The following SLC60A1 variants were observed in gnomAD, a reference collection of about 807,000 sequenced individuals.
The protein encoded by SLC60A1 is major facilitator superfamily domain containing 4.
the SLC60A1 span, chr1:205,592,295 C>G: frequency 6.2e-7 from 1 of 1,605,414 alleles, no homozygotes. Context: ...AAGGTGAGGG[C>G]CGGGCCCGAG....
chr1:205,589,657 G>A, the SLC60A1 span, among the ~76,000 whole-genome samples: 45 of 151,776 alleles, frequency 3.0e-4, no homozygotes, highest in Non-Finnish European at 6.2e-4. Context: ...TCACTATGTT[G>A]CCCAGGCTGG....
the SLC60A1 span, among the ~76,000 whole-genome samples, chr1:205,578,520 TG>T: frequency 6.6e-6 from 1 of 152,106 alleles, no homozygotes; most frequent in Non-Finnish European, 1.5e-5. Flanking sequence ...CAGATCAGCC[TG>T]GAAACAAGAA....
the SLC60A1 span, chr1:205,580,638 C>T: frequency 6.9e-5 from 110 of 1,585,634 alleles, 1 homozygote; most frequent in Non-Finnish European, 8.0e-5. This position sits in a 1 kb window ranked among gnomAD's most constrained non-coding sequence, Gnocchi z 5.0. Flanking sequence ...CACCCCCACC[C>T]GCCACCTCTC....
chr1:205,585,449 G>A, the SLC60A1 span, among the ~76,000 whole-genome samples: 1 of 152,318 alleles, frequency 6.6e-6, no homozygotes, highest in African/African-American at 2.4e-5. This position sits in a 1 kb window ranked among gnomAD's most constrained non-coding sequence, Gnocchi z 4.2. Context: ...AGTGACCTCT[G>A]TTACATTAGT....
At chr1:205,579,150 C>G in the SLC60A1 span, among the ~76,000 whole-genome samples, 1 of 152,200 alleles carries the variant, frequency 6.6e-6, no homozygotes, top group African/African-American at 2.4e-5. Flanking sequence ...AGGCACAGAG[C>G]CTGCGACCTC....
the SLC60A1 span, chr1:205,597,700 TG>T: frequency 1.3e-6 from 2 of 1,501,556 alleles, no homozygotes; most frequent in Non-Finnish European, 1.9e-6. Flanking sequence ...CCACTGTGCC[TG>T]GCCAGCAACC....
chr1:205,576,214 G>C, the SLC60A1 span, among the ~76,000 whole-genome samples: 1 of 152,194 alleles, frequency 6.6e-6, no homozygotes, highest in Non-Finnish European at 1.5e-5. Context: ...TGGGAGGGTA[G>C]AATCTGGGAG....
chr1:205,584,973 C>A, the SLC60A1 span: 1 of 1,613,904 alleles, frequency 6.2e-7, no homozygotes, highest in South Asian at 1.1e-5. Context: ...TGGTACTGTT[C>A]ATGACGGATG....
At chr1:205,578,604 G>A in the SLC60A1 span, among the ~76,000 whole-genome samples, 1 of 152,250 alleles carries the variant, frequency 6.6e-6, no homozygotes, top group African/African-American at 2.4e-5. Flanking sequence ...GGGGCAAGAT[G>A]AGATGGCTGA....
At chr1:205,569,405 T>C in the SLC60A1 span, 4 of 759,016 alleles carry the variant, frequency 5.3e-6, no homozygotes, top group East Asian at 1.3e-4. Context: ...CCCGGCCCCG[T>C]GGGGCTGCCC....
At chr1:205,569,180 C>T in the SLC60A1 span, 1 of 1,544,832 alleles carries the variant, frequency 6.5e-7, no homozygotes, top group Non-Finnish European at 8.7e-7. Flanking sequence ...TCCTGGGGCC[C>T]ACGCTGCTGG....
the SLC60A1 span, among the ~76,000 whole-genome samples, chr1:205,578,907 A>C: frequency 6.6e-6 from 1 of 152,048 alleles, no homozygotes. Context: ...CAGAAAATAC[A>C]AGTCTTTATC....
the SLC60A1 span, among the ~76,000 whole-genome samples, chr1:205,572,441 T>G: frequency 3.4e-4 from 52 of 152,178 alleles, no homozygotes; most frequent in Admixed American, 4.6e-4. Context: ...TCTTCCTCTC[T>G]TTGACCTATT....
chr1:205,585,965 G>A, the SLC60A1 span: 1 of 1,487,396 alleles, frequency 6.7e-7, no homozygotes, highest in East Asian at 2.4e-5. The surrounding 1 kb of genome is among the most constrained non-coding windows in gnomAD (Gnocchi z 4.2). Context: ...CCCAGCCTGG[G>A]CTCCCTTTGT....
chr1:205,583,686 G>GC, the SLC60A1 span, among the ~76,000 whole-genome samples: 1 of 152,232 alleles, frequency 6.6e-6, no homozygotes, highest in Non-Finnish European at 1.5e-5. Flanking sequence ...CCAGCAGAGA[G>GC]TTTGAGTCTA....
chr1:205,575,936 GC>G, the SLC60A1 span, among the ~76,000 whole-genome samples: 10 of 152,284 alleles, frequency 6.6e-5, no homozygotes, highest in South Asian at 2.1e-3. Flanking sequence ...CACTCTGCTG[GC>G]TTTGCCTGGG....
chr1:205,579,326 CTG>C, the SLC60A1 span, among the ~76,000 whole-genome samples: 46,177 of 151,974 alleles, frequency 0.3, 7,714 homozygotes, highest in African/African-American at 0.41. Flanking sequence ...ATGCCCAGCT[CTG>C]AGACTTCTGG....
chr1:205,593,964 A>G, the SLC60A1 span, among the ~76,000 whole-genome samples: 2 of 152,192 alleles, frequency 1.3e-5, no homozygotes, highest in African/African-American at 2.4e-5. Context: ...ATCATCTGAG[A>G]AACACCCCCA....
the SLC60A1 span, chr1:205,585,924 G>A: frequency 8.1e-7 from 1 of 1,233,372 alleles, no homozygotes; most frequent in Non-Finnish European, 1.1e-6. The surrounding 1 kb of genome is among the most constrained non-coding windows in gnomAD (Gnocchi z 4.2). Context: ...AGTGGGAACA[G>A]GCAGTCCTCC....
Sources: gnomAD v4.1 joint callset for allele counts (sites outside exome capture counted in the v4.1 genomes callset) on GRCh38, gnomAD v4.1.1 for gene constraint, Gnocchi (gnomAD v3.1) non-coding constraint, MANE v1.5 for transcripts, NCBI Gene and HGNC (gene_info 2026-07-23, HGNC 2026-07-21) for gene names.